The following ZNF804B variants were observed in gnomAD, a reference collection of about 807,000 sequenced individuals.
The protein encoded by ZNF804B is zinc finger protein 804B, also known as zinc finger 804B.
ZNF804B carries 80 observed loss-of-function variants against 101.4 expected under a neutral mutation model. The observed-to-expected ratio is 0.79, with a 90% CI of 0.66 to 0.95. The LOEUF is 0.95. ZNF804B is among the 40% of genes least tolerant of loss of function. The pLI is 0.00. For missense variants in ZNF804B, 1,673 were observed against 1,561.9 expected (o/e 1.07, Z -1.20); for synonymous variants, 622 against 558.8 (o/e 1.11, Z -1.59).
intron 2 of ZNF804B, among the ~76,000 whole-genome samples, chr7:89,285,656 A>T (rs185190648): frequency 4.7e-4 from 72 of 152,154 alleles, no homozygotes; most frequent in South Asian, 1.5e-3. Flanking sequence ...TATTTTAGAA[A>T]AAAAAAGCCA....
chr7:88,776,657 C>T (rs7341428), intron 1 of ZNF804B, among the ~76,000 whole-genome samples: 2,621 of 122,494 alleles, frequency 0.021, 62 homozygotes, highest in African/African-American at 0.067. Context: ...TCTCTCTTTT[C>T]TATAAGGCTA....
At chr7:89,048,386 T>G in intron 1 of ZNF804B, among the ~76,000 whole-genome samples, 1 of 151,920 alleles carries the variant, frequency 6.6e-6, no homozygotes, top group Non-Finnish European at 1.5e-5. Context: ...GCCTAATAGC[T>G]GTTAGCCACC....
At position 88,867,480 on chromosome 7, in the gene ZNF804B, G is replaced by A. The variant is rs6465167; in HGVS notation, c.108+107396G>A. Among the ~76,000 whole-genome samples, 8 of 152,004 alleles carry A rather than the reference G, an allele frequency of 5.3e-5. No individual in the cohort carries two copies. The East Asian group carries it at 7.7e-4, about 15-fold the overall frequency. On this transcript the variant is annotated intron_variant, in intron 1 of 3. Coordinates refer to ENST00000333190, the MANE Select transcript of ZNF804B (RefSeq NM_181646.5). ...GTAAACAAATTTGCCTTTTCTCTGCGTCTTTGTTCATCTGCATGCTTCACT... is the reference window on the plus strand; with the variant it reads ...GTAAACAAATTTGCCTTTTCTCTGCATCTTTGTTCATCTGCATGCTTCACT...
chr7:89,231,972 G>A (rs2115740458), intron 2 of ZNF804B, among the ~76,000 whole-genome samples: 1 of 152,212 alleles, frequency 6.6e-6, no homozygotes, highest in East Asian at 1.9e-4. Context: ...AATAAAAGAT[G>A]CAGAAATGGC....
At chr7:88,966,383 A>T (rs1189904508) in intron 1 of ZNF804B, among the ~76,000 whole-genome samples, 1 of 151,558 alleles carries the variant, frequency 6.6e-6, no homozygotes, top group African/African-American at 2.4e-5. Context: ...ATAACTGTAC[A>T]TCTGAACCAC....
At chr7:88,858,252 T>C (rs900165382) in intron 1 of ZNF804B, among the ~76,000 whole-genome samples, 1 of 152,216 alleles carries the variant, frequency 6.6e-6, no homozygotes, top group African/African-American at 2.4e-5. Flanking sequence ...GGGTATTACT[T>C]TCCTAGTTTC....
intron 1 of ZNF804B, among the ~76,000 whole-genome samples, chr7:89,057,351 T>C (rs534115476): frequency 1.3e-5 from 2 of 152,120 alleles, no homozygotes; most frequent in East Asian, 1.9e-4. Context: ...GAAAGTGGCA[T>C]GCAATTCTTA....
At chr7:89,185,126 A>G (rs1252719123) in intron 1 of ZNF804B, among the ~76,000 whole-genome samples, 2 of 152,318 alleles carry the variant, frequency 1.3e-5, no homozygotes, top group East Asian at 1.9e-4. Flanking sequence ...ATTTAAAGAT[A>G]GCAATTAGAG....
At chr7:88,899,916 T>G (rs1342956342) in intron 1 of ZNF804B, among the ~76,000 whole-genome samples, 2 of 152,174 alleles carry the variant, frequency 1.3e-5, no homozygotes, top group African/African-American at 2.4e-5. Context: ...AATTAACATA[T>G]GGATTTCATA....
At chr7:89,105,667 G>A (rs541873064) in intron 1 of ZNF804B, among the ~76,000 whole-genome samples, 10 of 152,146 alleles carry the variant, frequency 6.6e-5, no homozygotes, top group South Asian at 6.2e-4. Context: ...CGGGGCTTTC[G>A]TCTCACACAG....
At chr7:88,835,787 A>G (rs1288488927) in intron 1 of ZNF804B, among the ~76,000 whole-genome samples, 2 of 151,918 alleles carry the variant, frequency 1.3e-5, no homozygotes, top group African/African-American at 4.8e-5. Flanking sequence ...TTTCATGTAT[A>G]TATAGTTATT....
At chr7:89,257,252 A>G (rs1182955591) in intron 2 of ZNF804B, among the ~76,000 whole-genome samples, 1 of 152,210 alleles carries the variant, frequency 6.6e-6, no homozygotes, top group Non-Finnish European at 1.5e-5. Flanking sequence ...TCTGAAGGAA[A>G]TTAGAGATTA....
At chr7:89,106,512 G>C (rs1057336894) in intron 1 of ZNF804B, among the ~76,000 whole-genome samples, 1 of 152,014 alleles carries the variant, frequency 6.6e-6, no homozygotes, top group Non-Finnish European at 1.5e-5. Flanking sequence ...TGGAGAGTTA[G>C]ATGAGAAAAA....
chr7:88,963,129 A>T (rs1206317289), intron 1 of ZNF804B, among the ~76,000 whole-genome samples: 1 of 151,200 alleles, frequency 6.6e-6, no homozygotes, highest in African/African-American at 2.4e-5. Context: ...TATAATTCCT[A>T]CCAAAATCCC....
At chr7:89,109,504 C>T (rs1422730491) in intron 1 of ZNF804B, among the ~76,000 whole-genome samples, 2 of 152,156 alleles carry the variant, frequency 1.3e-5, no homozygotes, top group Non-Finnish European at 2.9e-5. Flanking sequence ...GGCCATAACA[C>T]AGCCCTTTGC....
rs1406136367 is a variant in ZNF804B at position 88,995,799 on chromosome 7, A to G, written c.109-222356A>G. 2.6e-5 allele frequency among the ~76,000 whole-genome samples: 4 copies of G among 152,048 alleles called. No homozygotes were observed. In the East Asian group the frequency reaches 7.7e-4, roughly 29 times the overall value. On this transcript the variant is annotated intron_variant, in intron 1 of 3. Transcript: ENST00000333190. ...TTAGTAGTGATAAATTATGTCTATA[A>G]TATATGCCTTTGTTATGTTGTTATG...
intron 1 of ZNF804B, among the ~76,000 whole-genome samples, chr7:88,828,792 A>T (rs74359483): frequency 0.039 from 5,950 of 152,142 alleles, 408 homozygotes; most frequent in African/African-American, 0.14. Context: ...TTGCTTTGAA[A>T]CCAGAAGAGC....
At chr7:88,773,755 G>A (rs921722248) in intron 1 of ZNF804B, among the ~76,000 whole-genome samples, 1 of 151,984 alleles carries the variant, frequency 6.6e-6, no homozygotes, top group African/African-American at 2.4e-5. Flanking sequence ...CATGGTGGAA[G>A]GTAAAGTGGG....
At chr7:88,917,670 C>G (rs1363939030) in intron 1 of ZNF804B, among the ~76,000 whole-genome samples, 1 of 152,018 alleles carries the variant, frequency 6.6e-6, no homozygotes, top group Non-Finnish European at 1.5e-5. Flanking sequence ...GGGAATTTTG[C>G]AAATTACATC....
Sources: allele counts gnomAD v4.1 joint callset (sites outside exome capture counted in the v4.1 genomes callset), GRCh38; gene constraint gnomAD v4.1.1; transcripts MANE v1.5; gene names NCBI Gene and HGNC (gene_info 2026-07-23, HGNC 2026-07-21).